AWAT2: variants seen among roughly 807,000 people sequenced by gnomAD.
AWAT2 encodes the protein acyl-CoA wax alcohol acyltransferase 2, also known as 11-cis-RE-synthase.
A neutral mutation model predicts 22.3 loss-of-function variants in AWAT2; 9 were observed. That is an observed-to-expected ratio of 0.40 (90% CI 0.24 to 0.70). The LOEUF is 0.70. Among genes scored for constraint, AWAT2 ranks in the 30% least tolerant of loss-of-function variants. The pLI, the probability that AWAT2 is intolerant of heterozygous loss-of-function variation, is 0.36. For missense variants in AWAT2, 217 were observed against 265.9 expected, an observed-to-expected ratio of 0.82 and a Z score of 1.28; for synonymous variants, 100 against 93.4, an observed-to-expected ratio of 1.07 and a Z score of -0.40.
At chrX:70,047,860 T>C (rs1327456201) in intron 1 of AWAT2, among the ~76,000 whole-genome samples, 3 of 110,327 alleles carry the variant, frequency 2.7e-5, no homozygotes, top group Non-Finnish European at 5.7e-5. Context: ...TACCCCGAAG[T>C]CAAACTCCAG....
chrX:70,042,373 G>C lies in AWAT2; in HGVS notation c.661C>G (p.Pro221Ala), dbSNP rs1445908132. Residue 221 changes from proline (P) to alanine (A), a missense_variant, in exon 6 of 8, where the codon CCT becomes GCT. Physicochemically the swap from Pro to Ala is conservative, Grantham distance 27. Coordinates refer to ENST00000276101, the MANE Select transcript of AWAT2 (RefSeq NM_001002254.1). ...MALQHGVPLIPAYAFGETDLY... is the reference protein window; with the variant it reads ...MALQHGVPLIAAYAFGETDLY... ...TCCGTCTCCCCAAAGGCATAGGCAG[G>C]TATTAGAGGCACCCTGCAGAGCAAA... is the stretch of plus-strand genomic sequence containing the variant. 2 of 1,209,847 alleles carry C rather than the reference G, an allele frequency of 1.7e-6. No homozygotes were observed. The highest frequency in any genetic ancestry group is 2.2e-6 in the Non-Finnish European group (2 of 894,685).
At chrX:70,045,137 A>G (rs2020354241) in intron 1 of AWAT2, among the ~76,000 whole-genome samples, 1 of 112,334 alleles carries the variant, frequency 8.9e-6, no homozygotes, top group Admixed American at 9.4e-5. Flanking sequence ...GTGGGTCAGT[A>G]AAAGGTTAGA....
At chrX:70,042,519 C>T in intron 5 of AWAT2, 133 bp from the exon 6 acceptor site, 1 of 642,604 alleles carries the variant, frequency 1.6e-6, no homozygotes, top group South Asian at 2.4e-5. Context: ...TGCCTAGGTC[C>T]AAGTTGAGTG....
chrX:70,046,282 C>A (rs2020361218), intron 1 of AWAT2, among the ~76,000 whole-genome samples: 2 of 111,872 alleles, frequency 1.8e-5, no homozygotes, highest in Non-Finnish European at 1.9e-5. Flanking sequence ...TACAACTAGA[C>A]TTTCTGAATG....
At chrX:70,047,318 G>A (rs777881099) in intron 1 of AWAT2, among the ~76,000 whole-genome samples, 1 of 112,624 alleles carries the variant, frequency 8.9e-6, no homozygotes, top group Non-Finnish European at 1.9e-5. Context: ...AAGTTGAAAA[G>A]CACTGCCTTG....
rs1031799625 is a variant in AWAT2, at chrX:70,041,141, G to A, written c.*517C>T. 8 of 112,621 alleles carry A rather than the reference G, an allele frequency of 7.1e-5. No individual in the cohort carries two copies. The highest frequency in any genetic ancestry group is 1.3e-4 in the Non-Finnish European group (7 of 53,266). 9.3% of individuals were successfully genotyped at this position (112,621 alleles called of 1,213,427 possible). A position where few individuals can be genotyped will look rare whatever the true frequency, so the allele number is the denominator to read the frequency against. On this transcript the variant is annotated 3_prime_UTR_variant, in exon 8 of 8. Transcript: ENST00000276101. ...GGTAAAATGGTTGGAGAAGAAAATGGTGTAGCTCTCCAGTTTATAAAGTTC... is the reference window on the plus strand; with the variant it reads ...GGTAAAATGGTTGGAGAAGAAAATGATGTAGCTCTCCAGTTTATAAAGTTC...
At chrX:70,049,816 G>C (rs757612942) in intron 1 of AWAT2, 32 bp downstream of exon 1, 1 of 1,207,009 alleles carries the variant, frequency 8.3e-7, no homozygotes, top group Non-Finnish European at 1.1e-6. Flanking sequence ...AGCCAGGATG[G>C]TTGGTCACCC....
chrX:70,042,322 G>A lies in AWAT2; in HGVS notation c.712C>T (p.Pro238Ser). ...TGGAAGCGGTTGACAAAGCCACCAG[G>A]AGTGAAAATGTGCTGATCATAGAGG... ...TDLYDQHIFT[P>S]GGFVNRFQKW... The change falls in exon 6 of 8, where the codon CCT (proline) becomes TCT (serine). Residue 238 changes from proline (P) to serine (S), a missense_variant. Pro to Ser is a moderately conservative substitution (Grantham distance 74). Coordinates refer to ENST00000276101, the MANE Select transcript of AWAT2 (RefSeq NM_001002254.1). 1 of 1,212,113 alleles carries A rather than the reference G, an allele frequency of 8.3e-7. No homozygotes were observed. The highest frequency in any genetic ancestry group is 1.1e-6 in the Non-Finnish European group (1 of 895,476).
Position 70,043,225 on chromosome X carries a change from C to G in AWAT2, c.491G>C (p.Arg164Pro), listed in dbSNP as rs769015502. The G allele has an allele frequency of 5.8e-6, 7 of 1,204,399 alleles. No individual in the cohort carries two copies. The highest frequency in any genetic ancestry group is 7.8e-6 in the Non-Finnish European group (7 of 891,903). The stretch of plus-strand genomic sequence containing the variant: ...AGTCAGCAGAAAGTCAATGGAGGAT[C>G]GACTCACAGAGCAGGCCCCTGGTGG... Reference protein sequence around the residue: ...VMSTGACSVSRSSIDFLLTHK... With the variant: ...VMSTGACSVSPSSIDFLLTHK... The change falls in exon 5 of 8, where the codon CGA becomes CCA. Residue 164 changes from arginine to proline, a missense_variant. By Grantham distance (103) the Arg-to-Pro change is moderately radical. Coordinates refer to ENST00000276101, the MANE Select transcript of AWAT2 (RefSeq NM_001002254.1).
chrX:70,049,361 A>G (rs55991455), intron 1 of AWAT2, among the ~76,000 whole-genome samples: 2,106 of 112,147 alleles, frequency 0.019, 17 homozygotes, highest in Middle Eastern at 0.055. Flanking sequence ...TTTGTAGTGT[A>G]AGCGTTGGAA....
chrX:70,043,356 C>T, intron 4 of AWAT2, 113 bp from the exon 5 acceptor site: 4 of 980,872 alleles, frequency 4.1e-6, no homozygotes, highest in Non-Finnish European at 4.2e-6. Flanking sequence ...GGCAGGTGAG[C>T]CTATGATAGC....
chrX:70,042,963 A>G (rs1049677545), intron 5 of AWAT2, 106 bp downstream of exon 5: 42 of 706,605 alleles, frequency 5.9e-5, no homozygotes, highest in Non-Finnish European at 7.6e-5. Flanking sequence ...TGTATTGTAT[A>G]CTTCCTCCTC....
chrX:70,043,042 G>A (rs764160987), intron 5 of AWAT2, 27 bp downstream of exon 5: 45 of 1,146,472 alleles, frequency 3.9e-5, no homozygotes, highest in Middle Eastern at 2.8e-4. Flanking sequence ...GATCCCTTCC[G>A]CCAGCCTGGA....
At chrX:70,043,443 T>C in intron 4 of AWAT2, 35 bp downstream of exon 4, 1 of 1,168,048 alleles carries the variant, frequency 8.6e-7, no homozygotes. Context: ...GGGAGCCATT[T>C]TTTCTTTGGC....
intron 2 of AWAT2, 144 bp from the exon 3 acceptor site, chrX:70,044,140 C>T: frequency 1.1e-6 from 1 of 896,592 alleles, no homozygotes. Flanking sequence ...GGCCTAGCTT[C>T]TGCTTCACTA....
chrX:70,043,914 G>A lies in AWAT2; in HGVS notation c.267+12C>T. On this transcript the variant is annotated intron_variant, in intron 3 of 7. Transcript: ENST00000276101. ...TGGACCTGGGCCTGAGTGGGGACCTGGGGCTACTGACCTTGAGAGGGAAAT... is the reference window on the plus strand; with the variant it reads ...TGGACCTGGGCCTGAGTGGGGACCTAGGGCTACTGACCTTGAGAGGGAAAT... 1 of 1,199,202 alleles carries A rather than the reference G, an allele frequency of 8.3e-7. No individual in the cohort carries two copies. The highest frequency in any genetic ancestry group is 1.1e-6 in the Non-Finnish European group (1 of 888,690).
In AWAT2 at chrX:70,043,194, T is replaced by A; in HGVS notation, c.522A>T (p.Lys174Asn). The part of the protein sequence containing the change: ...RSSIDFLLTH[K>N]GTGNMVIVVI... The stretch of plus-strand genomic sequence containing the variant: ...CCACAATGACCATGTTGCCTGTGCC[T>A]TTATGAGTCAGCAGAAAGTCAATGG... Residue 174 changes from lysine (K) to asparagine (N), a missense_variant, in exon 5 of 8, where the codon AAA (lysine) becomes AAT (asparagine). By Grantham distance (94) the Lys-to-Asn change is moderately conservative. Transcript: ENST00000276101. The A allele has an allele frequency of 1.7e-6, 2 of 1,207,876 alleles. No individual in the cohort carries two copies. Among genetic ancestry groups the A allele is most frequent in the Non-Finnish European group, 2.2e-6 (2 of 893,749 alleles).
At chrX:70,046,459 C>T (rs2020362573) in intron 1 of AWAT2, among the ~76,000 whole-genome samples, 1 of 105,966 alleles carries the variant, frequency 9.4e-6, no homozygotes, top group Non-Finnish European at 1.9e-5. Context: ...GGTTGGAGTG[C>T]AGTGCCATGA....
intron 1 of AWAT2, among the ~76,000 whole-genome samples, chrX:70,047,080 C>T (rs950593536): frequency 8.9e-6 from 1 of 111,837 alleles, no homozygotes; most frequent in African/African-American, 3.2e-5. Context: ...ATCTTGGTGA[C>T]TAAATAGCTC....
Sources: allele counts gnomAD v4.1 joint callset (sites outside exome capture counted in the v4.1 genomes callset), GRCh38; gene constraint gnomAD v4.1.1; transcripts MANE v1.5; gene names NCBI Gene and HGNC (gene_info 2026-07-23, HGNC 2026-07-21).